The following ZMYND8 variants were observed in gnomAD, a reference collection of about 807,000 sequenced individuals.
ZMYND8 encodes the protein MYND-type zinc finger-containing chromatin reader ZMYND8.
In ZMYND8, 37 loss-of-function variants were observed where a neutral mutation model predicts 140.8. The ratio of observed to expected loss-of-function variants is 0.26; its 90% confidence interval spans 0.20 to 0.35. The LOEUF (loss-of-function observed/expected upper bound fraction) is 0.35, where lower values mean the gene tolerates loss of function less well. Ranked by LOEUF, ZMYND8 falls within the 10% of genes least tolerant of loss-of-function variation. The pLI is 1.00. For missense variants in ZMYND8, 1,068 were observed against 1,570.0 expected, an observed-to-expected ratio of 0.68 and a Z score of 5.40; for synonymous variants, 592 against 597.1, an observed-to-expected ratio of 0.99 and a Z score of 0.12.
Position 47,246,384 on chromosome 20 carries a change from G to T in ZMYND8, c.1908C>A (p.Asp636Glu), listed in dbSNP as rs774786921. 133 of 1,613,744 alleles carry T rather than the reference G, an allele frequency of 8.2e-5. 1 individual carries two copies. The highest frequency in any genetic ancestry group is 1.1e-4 in the Non-Finnish European group (125 of 1,179,976). Reference protein sequence around the residue: ...DEQKSKNEPEDTEDKEGCQMD... With the variant: ...DEQKSKNEPEETEDKEGCQMD... ...TCTGACAACCTTCTTTGTCCTCTGT[G>T]TCTTCTGGCTCGTTCTTAGACTTCT... Residue 636 changes from aspartate (D) to glutamate (E), a missense_variant, in exon 14 of 23, where the codon GAC becomes GAA. Transcript: ENST00000471951.
At chr20:47,229,702 A>C (rs767043217) in intron 17 of ZMYND8, 24 bp downstream of exon 17, 1 of 1,607,808 alleles carries the variant, frequency 6.2e-7, no homozygotes, top group East Asian at 2.2e-5. Context: ...TTAGCAAATA[A>C]GAAATTCATG....
chr20:47,351,651 T>G, intron 1 of ZMYND8: 1 of 984,544 alleles, frequency 1.0e-6, no homozygotes. Flanking sequence ...ACAATTAATT[T>G]TTTAAGAAAT....
rs183185018 is a variant in ZMYND8, at chr20:47,252,122, C to T, written c.1622-2683G>A. Among the ~76,000 whole-genome samples, 11 of 151,726 alleles carry T rather than the reference C, an allele frequency of 7.2e-5. No individual in the cohort carries two copies. In the East Asian group the frequency reaches 1.7e-3, roughly 24 times the overall value. ...CCGCCTGGCTAACATGGTGAAATCC[C>T]GTCTCTACTAAAAATAAAAAAATTA... is the stretch of plus-strand genomic sequence containing the variant. On this transcript the variant is annotated intron_variant, in intron 12 of 22. Coordinates refer to ENST00000471951, the MANE Select transcript of ZMYND8 (RefSeq NM_001281775.3).
chr20:47,329,697 C>G (rs575023005), intron 2 of ZMYND8, among the ~76,000 whole-genome samples: 170 of 152,306 alleles, frequency 1.1e-3, no homozygotes, highest in African/African-American at 3.7e-3. Flanking sequence ...AGCCACCACG[C>G]CTGGCTTGTT....
Position 47,246,317 on chromosome 20 carries a change from T to G in ZMYND8, c.1975A>C (p.Thr659Pro). 6.2e-7 allele frequency: 1 copy of G among 1,614,208 alleles called. No homozygotes were observed. The highest frequency in any genetic ancestry group is 1.6e-4 in the Middle Eastern group (1 of 6,062). Residue 659 changes from threonine to proline, a missense_variant, in exon 14 of 23, where the codon ACA becomes CCA. Physicochemically the swap from Thr to Pro is conservative, Grantham distance 38. Around this residue, in one of 10 missense-constraint regions of ZMYND8, gnomAD observed 383 missense variants for 431.2 expected, o/e 0.89. Transcript: ENST00000471951. Reference protein sequence around the residue: ...PSAVKKKPKPTNPVEIKEELK... With the variant: ...PSAVKKKPKPPNPVEIKEELK... ...TCCTCTTTAATCTCCACTGGGTTTG[T>G]AGGCTTGGGCTTTTTTTTAACAGCA...
intron 1 of ZMYND8, chr20:47,353,408 G>A (rs2082958676): frequency 6.6e-6 from 1 of 152,208 alleles, no homozygotes; most frequent in African/African-American, 2.4e-5. Flanking sequence ...AAAAGTAACT[G>A]GACTTGGCGC....
chr20:47,225,561 GGGGAA>G (rs2037563812), intron 18 of ZMYND8, among the ~76,000 whole-genome samples: 1 of 74,114 alleles, frequency 1.3e-5, no homozygotes, highest in African/African-American at 5.3e-5. Context: ...TGACAAGGGA[GGGGAA>G]GGGAGGGGAA....
At chr20:47,222,864 G>A (rs1443014588) in intron 19 of ZMYND8, among the ~76,000 whole-genome samples, 3 of 152,248 alleles carry the variant, frequency 2.0e-5, no homozygotes, top group East Asian at 1.9e-4. Context: ...TTTATTGGCA[G>A]ACAGCCACAT....
rs192648042 is a variant in ZMYND8, at chr20:47,322,560, T to G, written c.86-12356A>C. ...GGTTCAAGTGATTCCCCTGCCTCAGTCTCCCAAGTAGCTGGGACTACAGGC... is the reference window on the plus strand; with the variant it reads ...GGTTCAAGTGATTCCCCTGCCTCAGGCTCCCAAGTAGCTGGGACTACAGGC... On this transcript the variant is annotated intron_variant, in intron 2 of 22. Transcript: ENST00000471951. Among the ~76,000 whole-genome samples the G allele has an allele frequency of 4.9e-3, 741 of 151,256 alleles. 7 individuals are homozygous for G. The highest frequency in any genetic ancestry group is 0.017 in the African/African-American group (712 of 41,186).
chr20:47,315,959 C>G (rs374373557), intron 2 of ZMYND8, among the ~76,000 whole-genome samples: 1 of 152,058 alleles, frequency 6.6e-6, no homozygotes, highest in Non-Finnish European at 1.5e-5. Flanking sequence ...TGGCATGGAG[C>G]GGAAAGCAGC....
intron 14 of ZMYND8, among the ~76,000 whole-genome samples, chr20:47,245,207 G>C (rs2040417603): frequency 6.6e-6 from 1 of 152,184 alleles, no homozygotes; most frequent in African/African-American, 2.4e-5. Flanking sequence ...TGGCATGAGG[G>C]GAGGAAAGCA....
intron 2 of ZMYND8, among the ~76,000 whole-genome samples, chr20:47,337,006 A>T (rs1003046665): frequency 1.3e-5 from 2 of 151,846 alleles, no homozygotes; most frequent in African/African-American, 4.9e-5. Context: ...ACAAAGGTTT[A>T]AAATCTAGGG....
At chr20:47,299,108 A>C (rs1286431394) in intron 3 of ZMYND8, among the ~76,000 whole-genome samples, 161 bp from the exon 4 acceptor site, 1 of 152,270 alleles carries the variant, frequency 6.6e-6, no homozygotes, top group African/African-American at 2.4e-5. Flanking sequence ...ATATATAATT[A>C]GCAAGTTGTT....
chr20:47,337,375 T>C (rs2081468391), intron 2 of ZMYND8, among the ~76,000 whole-genome samples: 1 of 151,504 alleles, frequency 6.6e-6, no homozygotes, highest in Non-Finnish European at 1.5e-5. Context: ...TAAAATAAAA[T>C]AAATCAAAGG....
rs140073457 is a variant in ZMYND8 at position 47,346,806 on chromosome 20, C to G, written c.85+1050G>C. Among the ~76,000 whole-genome samples, 545 of 152,266 alleles carry G rather than the reference C, an allele frequency of 3.6e-3. 5 individuals carry two copies. Among genetic ancestry groups the G allele is most frequent in the African/African-American group, 0.012 (513 of 41,560 alleles). On this transcript the variant is annotated intron_variant, in intron 2 of 22. Transcript: ENST00000471951. ...ATTTTTAGTAGAGACGGGGGTTTCA[C>G]CATGTTGGCCAGGCTGGTCTCGAAC...
chr20:47,210,386 T>G lies in ZMYND8; in HGVS notation c.*375A>C. 2 of 176,994 alleles carry G rather than the reference T, an allele frequency of 1.1e-5. No individual in the cohort carries two copies. Among genetic ancestry groups the G allele is most frequent in the African/African-American group, 2.4e-5 (1 of 41,654 alleles). 11.0% of individuals were successfully genotyped at this position (176,994 alleles called of 1,614,324 possible). On this transcript the variant is annotated 3_prime_UTR_variant, in exon 23 of 23. Coordinates refer to ENST00000471951, the MANE Select transcript of ZMYND8 (RefSeq NM_001281775.3). ...CCATCCCTTCTCCAATACCAAAACA[T>G]TCTTTTTTGTTGTTGGGGTTGGTTG...
At chr20:47,233,174 T>C (rs958032450) in intron 16 of ZMYND8, among the ~76,000 whole-genome samples, 14 of 149,878 alleles carry the variant, frequency 9.3e-5, no homozygotes, top group Non-Finnish European at 1.2e-4. Context: ...CCCGAAGTGC[T>C]AGGATTCCAG....
intron 11 of ZMYND8, among the ~76,000 whole-genome samples, chr20:47,269,532 G>A (rs1209176275): frequency 2.0e-5 from 3 of 152,226 alleles, no homozygotes; most frequent in African/African-American, 7.2e-5. Context: ...AATTGCCTCT[G>A]AAGTCACAAA....
intron 3 of ZMYND8, among the ~76,000 whole-genome samples, chr20:47,301,750 G>A (rs2078063677): frequency 6.6e-6 from 1 of 152,100 alleles, no homozygotes; most frequent in African/African-American, 2.4e-5. Context: ...TTAAAATATT[G>A]TATAAAATTA....
Sources: allele counts gnomAD v4.1 joint callset (sites outside exome capture counted in the v4.1 genomes callset), GRCh38; gene constraint gnomAD v4.1.1; regional missense constraint gnomAD v4.1.1; transcripts MANE v1.5; gene names NCBI Gene and HGNC (gene_info 2026-07-23, HGNC 2026-07-21).